BRINP3: variants seen among roughly 807,000 people sequenced by gnomAD.
BRINP3 encodes BMP/retinoic acid-inducible neural-specific protein 3.
A neutral mutation model predicts 71.0 loss-of-function variants in BRINP3; 19 were observed. The observed-to-expected ratio is 0.27, with a 90% CI of 0.19 to 0.39. BRINP3 has a LOEUF of 0.39. Ranked by LOEUF, BRINP3 falls within the 10% of genes least tolerant of loss-of-function variation. The probability of loss-of-function intolerance (pLI) is 1.00; values close to 1 mark genes in which losing one functional copy is unlikely to be tolerated. For missense variants in BRINP3, 959 were observed against 940.8 expected, an observed-to-expected ratio of 1.02 and a Z score of -0.25; for synonymous variants, 380 against 337.7, an observed-to-expected ratio of 1.13 and a Z score of -1.37.
chr1:190,112,297 T>C (rs1019389815), intron 7 of BRINP3, among the ~76,000 whole-genome samples: 2 of 152,176 alleles, frequency 1.3e-5, no homozygotes, highest in African/African-American at 4.8e-5. Context: ...CAGCAATCCA[T>C]ATCACAGTGT....
chr1:190,237,368 T>C (rs1658622910), intron 4 of BRINP3, among the ~76,000 whole-genome samples: 1 of 151,726 alleles, frequency 6.6e-6, no homozygotes, highest in Middle Eastern at 3.4e-3. Flanking sequence ...AATGTGCTCA[T>C]ACTTATTTAA....
At chr1:190,343,362 C>G (rs1469831517) in intron 2 of BRINP3, among the ~76,000 whole-genome samples, 4 of 151,858 alleles carry the variant, frequency 2.6e-5, no homozygotes, top group Admixed American at 1.3e-4. Context: ...AAACTTTGCA[C>G]AGTAAAGTGA....
intron 3 of BRINP3, among the ~76,000 whole-genome samples, chr1:190,280,148 C>A (rs752672604): frequency 7.3e-5 from 11 of 151,698 alleles, no homozygotes; most frequent in Non-Finnish European, 1.3e-4. Context: ...TAGTAGAGAA[C>A]AATGGGGTTC....
At chr1:190,195,409 C>T (rs1470076184) in intron 6 of BRINP3, among the ~76,000 whole-genome samples, 1 of 151,938 alleles carries the variant, frequency 6.6e-6, no homozygotes, top group Non-Finnish European at 1.5e-5. Context: ...TGAAGGCACT[C>T]CCTTGGTGAA....
chr1:190,388,655 C>T (rs561471381), intron 2 of BRINP3, among the ~76,000 whole-genome samples: 153 of 151,848 alleles, frequency 1.0e-3, no homozygotes, highest in Admixed American at 2.1e-3. Context: ...TTTTGGACTT[C>T]CAGACTCCAG....
chr1:190,358,712 G>A (rs952536032), intron 2 of BRINP3, among the ~76,000 whole-genome samples: 6 of 152,186 alleles, frequency 3.9e-5, no homozygotes, highest in East Asian at 1.9e-4. Context: ...CACATGACAC[G>A]TATGCTTATT....
intron 6 of BRINP3, among the ~76,000 whole-genome samples, chr1:190,216,607 A>G (rs980643165): frequency 1.3e-5 from 2 of 151,868 alleles, no homozygotes; most frequent in African/African-American, 2.4e-5. Flanking sequence ...TGCCCATTAC[A>G]GAACAAAATG....
intron 7 of BRINP3, among the ~76,000 whole-genome samples, chr1:190,160,224 G>C (rs998545686): frequency 6.6e-6 from 1 of 151,898 alleles, no homozygotes; most frequent in African/African-American, 2.4e-5. Context: ...AGTTTTTGTA[G>C]AATTAGGTTT....
chr1:190,366,995 C>A (rs1053433495), intron 2 of BRINP3, among the ~76,000 whole-genome samples: 2 of 152,102 alleles, frequency 1.3e-5, no homozygotes, highest in African/African-American at 4.8e-5. Context: ...TACACAGGTA[C>A]ACGGTGCAAG....
chr1:190,189,825 G>A (rs556166759), intron 6 of BRINP3, among the ~76,000 whole-genome samples: 28 of 152,032 alleles, frequency 1.8e-4, no homozygotes, highest in Non-Finnish European at 2.2e-4. Context: ...TGATCCTTGC[G>A]GTTGTTTGTC....
intron 2 of BRINP3, among the ~76,000 whole-genome samples, chr1:190,319,125 T>C (rs1001658045): frequency 3.4e-4 from 52 of 152,284 alleles, no homozygotes; most frequent in African/African-American, 1.2e-3. Flanking sequence ...AGCAGAACTT[T>C]AGGATATTCC....
intron 6 of BRINP3, among the ~76,000 whole-genome samples, chr1:190,165,436 A>T (rs1157814013): frequency 4.8e-4 from 34 of 70,230 alleles, no homozygotes; most frequent in South Asian, 1.0e-3. Context: ...GCTCTGTTTC[A>T]TTGGCTGTTT....
chr1:190,427,458 C>T, intron 2 of BRINP3, among the ~76,000 whole-genome samples: 1 of 152,028 alleles, frequency 6.6e-6, no homozygotes, highest in Non-Finnish European at 1.5e-5. Context: ...CTGTGTGATA[C>T]TTATAAAATA....
intron 6 of BRINP3, among the ~76,000 whole-genome samples, chr1:190,189,022 A>C (rs1653797862): frequency 6.6e-6 from 1 of 152,046 alleles, no homozygotes; most frequent in African/African-American, 2.4e-5. Context: ...GACCTCCCAA[A>C]GTGCTGGGAT....
chr1:190,378,920 T>G (rs948193556), intron 2 of BRINP3, among the ~76,000 whole-genome samples: 1 of 152,188 alleles, frequency 6.6e-6, no homozygotes, highest in Non-Finnish European at 1.5e-5. Context: ...GGGGAACCAA[T>G]GCAAACATGA....
intron 2 of BRINP3, among the ~76,000 whole-genome samples, chr1:190,379,997 C>CAAAAAAAA (rs34329313): frequency 3.0e-5 from 3 of 100,604 alleles, no homozygotes; most frequent in African/African-American, 4.1e-5. Context: ...GACTCCACCT[C>CAAAAAAAA]AAAAAAAAAA....
At chr1:190,224,338 A>G (rs1389020661) in intron 6 of BRINP3, among the ~76,000 whole-genome samples, 2 of 151,740 alleles carry the variant, frequency 1.3e-5, no homozygotes, top group Admixed American at 6.6e-5. Flanking sequence ...ATATCCACAC[A>G]TTTACAGCCA....
chr1:190,470,279 A>T (rs890629478), intron 1 of BRINP3, among the ~76,000 whole-genome samples: 2 of 151,138 alleles, frequency 1.3e-5, no homozygotes, highest in South Asian at 2.1e-4. Flanking sequence ...TTCACAATAA[A>T]TCTATAATGG....
intron 2 of BRINP3, among the ~76,000 whole-genome samples, chr1:190,410,579 T>C (rs1219141481): frequency 3.3e-5 from 5 of 151,796 alleles, no homozygotes; most frequent in Non-Finnish European, 7.4e-5. Context: ...CTATAGAGAA[T>C]ATAGGAATGT....
Sources: gnomAD v4.1 joint callset for allele counts (sites outside exome capture counted in the v4.1 genomes callset) on GRCh38, gnomAD v4.1.1 for gene constraint, MANE v1.5 for transcripts, NCBI Gene and HGNC (gene_info 2026-07-23, HGNC 2026-07-21) for gene names.